SLC44A1: variants seen among roughly 807,000 people sequenced by gnomAD.
The protein encoded by SLC44A1 is choline transporter-like protein 1.
Under a neutral mutation model 79.3 loss-of-function variants are expected in SLC44A1, and 26 were observed. The ratio of observed to expected loss-of-function variants is 0.33; its 90% CI spans 0.24 to 0.46. The LOEUF (loss-of-function observed/expected upper bound fraction) is 0.46, where lower values mean the gene tolerates loss of function less well. Ranked by LOEUF, SLC44A1 falls within the 20% of genes least tolerant of loss-of-function variation. The probability of loss-of-function intolerance (pLI) is 1.00; values close to 1 mark genes in which losing one functional copy is unlikely to be tolerated. For missense variants in SLC44A1, 688 were observed against 798.1 expected, an observed-to-expected ratio of 0.86 and a Z score of 1.66; for synonymous variants, 263 against 286.2, an observed-to-expected ratio of 0.92 and a Z score of 0.82.
intron 15 of SLC44A1, among the ~76,000 whole-genome samples, chr9:105,436,127 G>A (rs984862675): frequency 6.6e-5 from 10 of 152,218 alleles, no homozygotes; most frequent in African/African-American, 2.2e-4. Context: ...GAACCCAGGC[G>A]GCAGAGGCTG....
chr9:105,313,676 T>C (rs1438092468), intron 3 of SLC44A1, among the ~76,000 whole-genome samples: 1 of 152,216 alleles, frequency 6.6e-6, no homozygotes, highest in Non-Finnish European at 1.5e-5. Flanking sequence ...TGTCACATTC[T>C]AGATTGTCTA....
intron 1 of SLC44A1, among the ~76,000 whole-genome samples, chr9:105,284,950 A>G (rs1188124390): frequency 6.6e-6 from 1 of 152,006 alleles, no homozygotes; most frequent in African/African-American, 2.4e-5. Flanking sequence ...CTCAACTCCC[A>G]CTTTCTGTCT....
At position 105,383,210 on chromosome 9, in the gene SLC44A1, A is replaced by G. The variant is rs925021038; in HGVS notation, c.1720A>G (p.Ile574Val). ...CACAGTATGGGTGCTGCCTCTGATC[A>G]TCGTCTGCCTCTTTGCTTTCCTAGT... ...DYTVWVLPLI[I>V]VCLFAFLVAH... Residue 574 changes from isoleucine (I) to valine (V), a missense_variant, in exon 14 of 16, where the codon ATC becomes GTC. By Grantham distance (29) the Ile-to-Val change is conservative. Coordinates refer to ENST00000374720, the MANE Select transcript of SLC44A1 (RefSeq NM_080546.5). The G allele has an allele frequency of 7.4e-6, 12 of 1,614,050 alleles. No individual in the cohort carries two copies. The highest frequency in any genetic ancestry group is 1.3e-5 in the African/African-American group (1 of 74,924).
At chr9:105,420,533 G>C (rs745359734) in intron 15 of SLC44A1, among the ~76,000 whole-genome samples, 8 of 151,926 alleles carry the variant, frequency 5.3e-5, no homozygotes, top group Non-Finnish European at 1.0e-4. Context: ...CCAGAAAGTT[G>C]AGCTGATTAT....
chr9:105,399,920 G>C (rs1019514339), downstream of SLC44A1, among the ~76,000 whole-genome samples: 2 of 152,182 alleles, frequency 1.3e-5, no homozygotes, highest in Non-Finnish European at 1.5e-5. Flanking sequence ...TTTTGGCCAG[G>C]TGCAGTGGCT....
At position 105,261,838 on chromosome 9, in the gene SLC44A1, G is replaced by A. The variant is rs966859464; in HGVS notation, c.36+16934G>A. Among the ~76,000 whole-genome samples, 4 of 142,308 alleles carry A rather than the reference G, an allele frequency of 2.8e-5. No individual in the cohort carries two copies. In the East Asian group the frequency reaches 8.2e-4, roughly 29 times the overall value. 93.4% of individuals were successfully genotyped at this position (142,308 alleles called of 152,430 possible). On this transcript the variant is annotated intron_variant, in intron 1 of 15. Transcript: ENST00000374720. The stretch of plus-strand genomic sequence containing the variant: ...TTTGTCGCTCAGGCTGGAGTGCAAT[G>A]GCACGATCTCGGCTCACTGCAGCCT...
intron 1 of SLC44A1, among the ~76,000 whole-genome samples, chr9:105,258,858 T>C (rs1829774058): frequency 6.6e-6 from 1 of 151,790 alleles, no homozygotes; most frequent in Non-Finnish European, 1.5e-5. Context: ...TGGCTAATTT[T>C]TGTTTTTGTT....
rs116284815 is a variant in SLC44A1, at chr9:105,330,365, T to G, written c.270-5198T>G. Among the ~76,000 whole-genome samples the G allele has an allele frequency of 9.7e-3, 1,482 of 152,346 alleles. 11 individuals are homozygous for G. Among genetic ancestry groups the G allele is most frequent in the Middle Eastern group, 0.054 (16 of 294 alleles). ...GCTTGCCAGTCAGTTCCATCATTTGTTGAATTAGGATGTTGTGAGGCTAAA... is the reference window on the plus strand; with the variant it reads ...GCTTGCCAGTCAGTTCCATCATTTGGTGAATTAGGATGTTGTGAGGCTAAA... On this transcript the variant is annotated intron_variant, in intron 3 of 15. Coordinates refer to ENST00000374720, the MANE Select transcript of SLC44A1 (RefSeq NM_080546.5).
At chr9:105,248,111 G>T (rs895662052) in intron 1 of SLC44A1, among the ~76,000 whole-genome samples, 2 of 152,196 alleles carry the variant, frequency 1.3e-5, no homozygotes, top group Non-Finnish European at 2.9e-5. Context: ...TGAAAACAGT[G>T]TGCTTTGAGG....
At chr9:105,405,820 G>A (rs1188316751) in intron 15 of SLC44A1, among the ~76,000 whole-genome samples, 1 of 152,124 alleles carries the variant, frequency 6.6e-6, no homozygotes, top group African/African-American at 2.4e-5. Flanking sequence ...AGCAACCTGT[G>A]GTGAAGAATA....
chr9:105,421,688 C>T (rs899051325), intron 15 of SLC44A1, among the ~76,000 whole-genome samples: 47 of 151,210 alleles, frequency 3.1e-4, no homozygotes, highest in Middle Eastern at 3.4e-3. Context: ...CCTGGGTTCA[C>T]GCCATTCTCC....
chr9:105,267,729 T>TAAAAGATTCCTTA (rs1353700965), intron 1 of SLC44A1, among the ~76,000 whole-genome samples: 1 of 152,200 alleles, frequency 6.6e-6, no homozygotes, highest in Non-Finnish European at 1.5e-5. Flanking sequence ...TTTGTCATGG[T>TAAAAGATTCCTTA]AAAAGATTCC....
intron 3 of SLC44A1, among the ~76,000 whole-genome samples, chr9:105,333,362 TC>T (rs1826813624): frequency 6.6e-6 from 1 of 152,154 alleles, no homozygotes; most frequent in Non-Finnish European, 1.5e-5. Context: ...CCATCCCAGT[TC>T]CACTGCCCAC....
At chr9:105,333,993 G>A (rs1169885947) in intron 3 of SLC44A1, among the ~76,000 whole-genome samples, 1 of 152,132 alleles carries the variant, frequency 6.6e-6, no homozygotes, top group East Asian at 1.9e-4. Flanking sequence ...CAGGGTCAAA[G>A]GCATAGACAT....
chr9:105,275,320 G>T (rs1396979096), intron 1 of SLC44A1, among the ~76,000 whole-genome samples: 1 of 152,164 alleles, frequency 6.6e-6, no homozygotes, highest in Admixed American at 6.5e-5. Context: ...TTGTAAACAA[G>T]TTCCAAAGTT....
chr9:105,374,815 G>A lies in SLC44A1; in HGVS notation c.1632+80G>A. On this transcript the variant is annotated intron_variant, in intron 13 of 15. Transcript: ENST00000374720. ...TGCTCTTTTATTTTAAAAATATTCA[G>A]GCCACCAAAAAACTAAAAGTAATAT... The A allele has an allele frequency of 3.3e-6, 4 of 1,211,764 alleles. No individual in the cohort carries two copies. In the South Asian group the frequency reaches 5.6e-5, roughly 17 times the overall value. 75.1% of individuals were successfully genotyped at this position (1,211,764 alleles called of 1,614,324 possible). A position where few individuals can be genotyped will look rare whatever the true frequency, so the allele number is the denominator to read the frequency against.
At chr9:105,323,510 A>G (rs879066357) in intron 3 of SLC44A1, among the ~76,000 whole-genome samples, 1 of 152,290 alleles carries the variant, frequency 6.6e-6, no homozygotes, top group East Asian at 1.9e-4. Context: ...GTTTTAGAGG[A>G]GTAAAGATCA....
At chr9:105,288,127 T>C (rs1830517681) in intron 1 of SLC44A1, among the ~76,000 whole-genome samples, 1 of 152,212 alleles carries the variant, frequency 6.6e-6, no homozygotes. Context: ...CCTTTGCATA[T>C]TTGTATAATC....
intron 15 of SLC44A1, among the ~76,000 whole-genome samples, chr9:105,407,664 G>A (rs1015619644): frequency 1.3e-5 from 2 of 152,086 alleles, no homozygotes; most frequent in Non-Finnish European, 2.9e-5. Flanking sequence ...GAGGTCAGGA[G>A]TTCAAGACCA....
Sources: gnomAD v4.1 joint callset for allele counts (sites outside exome capture counted in the v4.1 genomes callset) on GRCh38, gnomAD v4.1.1 for gene constraint, MANE v1.5 for transcripts, NCBI Gene and HGNC (gene_info 2026-07-23, HGNC 2026-07-21) for gene names.